Variants in EHD4 observed in about 807,000 individuals in gnomAD.
The protein encoded by EHD4 is EH domain containing 4.
Under a neutral mutation model 51.0 loss-of-function variants are expected in EHD4, and 37 were observed. The observed-to-expected ratio is 0.73, with a 90% CI of 0.56 to 0.95. The LOEUF is 0.95. Ranked by LOEUF, EHD4 falls within the 40% of genes least tolerant of loss-of-function variation. EHD4 has a pLI of 0.00. For missense variants in EHD4, 632 were observed against 733.1 expected, an observed-to-expected ratio of 0.86 and a Z score of 1.59; for synonymous variants, 297 against 317.3, an observed-to-expected ratio of 0.94 and a Z score of 0.68.
intron 2 of EHD4, among the ~76,000 whole-genome samples, chr15:41,948,161 G>A (rs1250672840): frequency 2.0e-5 from 3 of 152,026 alleles, no homozygotes; most frequent in Non-Finnish European, 4.4e-5. Context: ...GGCTGAGGCA[G>A]AGAATTGCTT....
intron 1 of EHD4, among the ~76,000 whole-genome samples, chr15:41,962,930 G>C (rs2067935369): frequency 6.6e-6 from 1 of 152,236 alleles, no homozygotes; most frequent in Admixed American, 6.5e-5. Context: ...ATAGGAGACT[G>C]CATTTTGTTC....
chr15:41,916,749 G>C (rs573299260), intron 4 of EHD4, among the ~76,000 whole-genome samples: 3 of 152,178 alleles, frequency 2.0e-5, no homozygotes, highest in Non-Finnish European at 4.4e-5. Context: ...TCCTGTCCCC[G>C]TTCCTCAGCA....
In EHD4 at chr15:41,901,002, G is replaced by A. The variant is rs770762994; in HGVS notation, c.1269C>T (p.Gly423=). The change falls in exon 6 of 6, where the codon GGC becomes GGT. Residue 423 remains glycine (G), a synonymous_variant. Transcript: ENST00000220325. Reference sequence around the variant, plus strand: ...CCTCCCCGTAGCCCTGGTTGAAGGGGCCCTCGGTGGTGCCATCGAAGGCGC... The same window carrying A: ...CCTCCCCGTAGCCCTGGTTGAAGGGACCCTCGGTGGTGCCATCGAAGGCGC... ...QGGAFDGTTE[G]PFNQGYGEGA... 1.2e-6 allele frequency: 2 copies of A among 1,608,522 alleles called. No homozygotes were observed.
chr15:41,960,149 C>T (rs142363115), intron 1 of EHD4, among the ~76,000 whole-genome samples: 86 of 152,240 alleles, frequency 5.6e-4, no homozygotes, highest in African/African-American at 2.0e-3. Flanking sequence ...TAACAAATGA[C>T]AGGTTACTCT....
rs1011222009 is a variant in EHD4 at position 41,916,916 on chromosome 15, C to T, written c.924+2294G>A. Among the ~76,000 whole-genome samples the T allele has an allele frequency of 6.6e-5, 10 of 152,144 alleles. 1 individual carries two copies. Among genetic ancestry groups the T allele is most frequent in the South Asian group, 2.1e-4 (1 of 4,824 alleles). The stretch of plus-strand genomic sequence containing the variant: ...TGCAAGTAAGCTCAGCAAGTTTGAC[C>T]GTCCCCCACTCCCTGCATCCACACA... On this transcript the variant is annotated intron_variant, in intron 4 of 5. Coordinates refer to ENST00000220325, the MANE Select transcript of EHD4 (RefSeq NM_139265.4).
intron 4 of EHD4, among the ~76,000 whole-genome samples, chr15:41,912,198 C>T (rs1435319437): frequency 6.6e-6 from 1 of 152,172 alleles, no homozygotes; most frequent in Non-Finnish European, 1.5e-5. Context: ...AGCTTGGTGC[C>T]ACCTGAGTCA....
At chr15:41,954,358 G>C (rs1038582496) in intron 1 of EHD4, among the ~76,000 whole-genome samples, 78 of 152,242 alleles carry the variant, frequency 5.1e-4, no homozygotes, top group African/African-American at 1.7e-3. Context: ...GATGATCTTC[G>C]TCTTATAAGC....
intron 3 of EHD4, among the ~76,000 whole-genome samples, chr15:41,939,727 G>A (rs1469890730): frequency 1.3e-5 from 2 of 148,164 alleles, no homozygotes; most frequent in Non-Finnish European, 3.0e-5. Context: ...TTGATCCTGC[G>A]AGGCAGAGGC....
intron 5 of EHD4, among the ~76,000 whole-genome samples, chr15:41,905,988 T>C (rs1183375975): frequency 6.6e-6 from 1 of 152,248 alleles, no homozygotes; most frequent in Non-Finnish European, 1.5e-5. Flanking sequence ...GTTCATTTTT[T>C]TGTGTTGATT....
intron 3 of EHD4, 100 bp downstream of exon 3, chr15:41,942,967 T>C (rs977345951): frequency 8.4e-7 from 1 of 1,192,998 alleles, no homozygotes; most frequent in Non-Finnish European, 1.2e-6. Flanking sequence ...ACAGCTGTCC[T>C]GGAGGACGGA....
chr15:41,946,679 T>C (rs1055009697), intron 2 of EHD4, among the ~76,000 whole-genome samples: 41 of 152,326 alleles, frequency 2.7e-4, no homozygotes, highest in African/African-American at 9.4e-4. Flanking sequence ...TGAGCTTTGA[T>C]GGTGCCAGTG....
intron 5 of EHD4, among the ~76,000 whole-genome samples, chr15:41,905,383 G>A (rs186839339): frequency 5.3e-5 from 8 of 152,312 alleles, no homozygotes; most frequent in South Asian, 4.1e-4. Flanking sequence ...TGTGGGAATC[G>A]AGGCTGCGTC....
intron 4 of EHD4, among the ~76,000 whole-genome samples, chr15:41,912,882 G>A (rs1009551039): frequency 2.6e-5 from 4 of 152,094 alleles, no homozygotes; most frequent in Admixed American, 6.5e-5. Flanking sequence ...CAAGTGCCTC[G>A]TTCCTGTCCC....
At chr15:41,918,497 C>T (rs749930760) in intron 4 of EHD4, among the ~76,000 whole-genome samples, 1 of 152,226 alleles carries the variant, frequency 6.6e-6, no homozygotes, top group Non-Finnish European at 1.5e-5. Context: ...ATATGCTTTT[C>T]TCTCTTTGGA....
At chr15:41,932,613 A>G (rs2140994677) in intron 3 of EHD4, among the ~76,000 whole-genome samples, 1 of 152,318 alleles carries the variant, frequency 6.6e-6, no homozygotes, top group South Asian at 2.1e-4. Flanking sequence ...CCTAGATACA[A>G]GAAAGAGGAT....
At position 41,896,922 on chromosome 15, in the gene EHD4, C is replaced by T. The variant is rs758062206; in HGVS notation, c.*3723G>A. On this transcript the variant is annotated 3_prime_UTR_variant, in exon 6 of 6. Coordinates refer to ENST00000220325, the MANE Select transcript of EHD4 (RefSeq NM_139265.4). ...TGGGGCTCACAGGCACACCCTCTCC[C>T]TAACTCTTCTCCCCCGGTTCAACCT... 2 of 152,186 alleles carry T rather than the reference C, an allele frequency of 1.3e-5. No individual in the cohort carries two copies. The highest frequency in any genetic ancestry group is 2.4e-5 in the African/African-American group (1 of 41,442). 9.4% of individuals were successfully genotyped at this position (152,186 alleles called of 1,614,324 possible). A position where few individuals can be genotyped will look rare whatever the true frequency, so the allele number is the denominator to read the frequency against.
intron 3 of EHD4, among the ~76,000 whole-genome samples, chr15:41,936,706 C>T (rs1320441158): frequency 6.6e-6 from 1 of 152,162 alleles, no homozygotes; most frequent in African/African-American, 2.4e-5. Context: ...GATGTATTAA[C>T]AAAAACTCAA....
At chr15:41,939,442 C>T (rs1187717092) in intron 3 of EHD4, among the ~76,000 whole-genome samples, 1 of 152,124 alleles carries the variant, frequency 6.6e-6, no homozygotes, top group East Asian at 1.9e-4. Context: ...CACCTGTAAT[C>T]CCAGCACTTT....
chr15:41,945,029 C>G (rs1312421559), intron 2 of EHD4, among the ~76,000 whole-genome samples: 2 of 152,164 alleles, frequency 1.3e-5, no homozygotes, highest in Admixed American at 6.5e-5. Flanking sequence ...ATTCAATTCT[C>G]TAGAATTGGG....
Sources: gnomAD v4.1 joint callset for allele counts (sites outside exome capture counted in the v4.1 genomes callset) on GRCh38, gnomAD v4.1.1 for gene constraint, MANE v1.5 for transcripts, NCBI Gene and HGNC (gene_info 2026-07-23, HGNC 2026-07-21) for gene names.